Variants in ENPP4 observed in about 807,000 individuals in gnomAD.
ENPP4 encodes the protein bis(5'-adenosyl)-triphosphatase ENPP4.
A neutral mutation model predicts 33.4 loss-of-function variants in ENPP4; 18 were observed. The ratio of observed to expected loss-of-function variants is 0.54; its 90% CI spans 0.37 to 0.80. The LOEUF is 0.80. Ranked by LOEUF, ENPP4 falls within the 30% of genes least tolerant of loss-of-function variation. The pLI, the probability that ENPP4 is intolerant of heterozygous loss-of-function variation, is 0.00. For missense variants in ENPP4, 480 were observed against 541.7 expected (o/e 0.89, Z 1.13); for synonymous variants, 172 against 189.9 (o/e 0.91, Z 0.78).
intron 1 of ENPP4, among the ~76,000 whole-genome samples, chr6:46,132,293 A>C (rs9472693): frequency 1.3e-5 from 2 of 150,594 alleles, no homozygotes; most frequent in African/African-American, 2.4e-5. Context: ...TTTAGGTCTA[A>C]CGTTTAAGTC....
Position 46,145,718 on chromosome 6 carries a change from T to G in ENPP4, c.*2078T>G, listed in dbSNP as rs1764131340. ...ATATAGGATGGAACAGGAAGGTATG[T>G]CCTGTCAGTATCTTAACCCTTTCAA... On this transcript the variant is annotated 3_prime_UTR_variant, in exon 4 of 4. Transcript: ENST00000321037. 6.6e-6 allele frequency: 1 copy of G among 151,866 alleles called. No individual in the cohort carries two copies. Among genetic ancestry groups the G allele is most frequent in the Admixed American group, 6.6e-5 (1 of 15,190 alleles). The allele number at this position is 151,866 out of a possible 1,614,324, so 9.4% of individuals were successfully genotyped here.
intron 3 of ENPP4, 30 bp downstream of exon 3, chr6:46,141,252 T>C: frequency 1.3e-6 from 2 of 1,538,274 alleles, no homozygotes; most frequent in Non-Finnish European, 1.8e-6. Context: ...ATTTCTGTTG[T>C]ATCCTAGGAA....
rs1448745007 is a variant in ENPP4, at chr6:46,140,019, ACCAT to A, written c.438_441del (p.Ile147LeufsTer5). 6 of 1,612,596 alleles carry A rather than the reference ACCAT, an allele frequency of 3.7e-6. No individual in the cohort carries two copies. The highest frequency in any genetic ancestry group is 5.1e-6 in the Non-Finnish European group (6 of 1,179,048). ...TGGTACTGATGTACCCATTCACGATACCATCTCTTCCTATTTTATGAATTACAAC... is the reference window on the plus strand; with the variant it reads ...TGGTACTGATGTACCCATTCACGATACTCTTCCTATTTTATGAATTACAAC... On this transcript the variant is annotated frameshift_variant, in exon 2 of 4. Transcript: ENST00000321037. LOFTEE classifies it high-confidence loss of function.
chr6:46,133,280 T>C (rs1031939535), intron 1 of ENPP4, among the ~76,000 whole-genome samples: 3 of 152,170 alleles, frequency 2.0e-5, no homozygotes, highest in South Asian at 4.1e-4. Context: ...AATCCTACGA[T>C]TTTTAAGACT....
At chr6:46,131,696 T>C (rs1286635017) in intron 1 of ENPP4, among the ~76,000 whole-genome samples, 2 of 151,352 alleles carry the variant, frequency 1.3e-5, no homozygotes, top group East Asian at 3.9e-4. Flanking sequence ...CTGGGTCAAA[T>C]GGTATTTCTA....
chr6:46,132,772 C>A (rs1479790195), intron 1 of ENPP4, among the ~76,000 whole-genome samples: 2 of 152,116 alleles, frequency 1.3e-5, no homozygotes, highest in Non-Finnish European at 2.9e-5. Context: ...GATATTGATT[C>A]TTCCTACCCA....
At chr6:46,132,158 A>T (rs1176618497) in intron 1 of ENPP4, among the ~76,000 whole-genome samples, 1 of 152,040 alleles carries the variant, frequency 6.6e-6, no homozygotes, top group Non-Finnish European at 1.5e-5. Flanking sequence ...CTTTAGTTTA[A>T]TTAGATCCCA....
chr6:46,140,432 G>C (rs777462064), intron 2 of ENPP4, 23 bp downstream of exon 2: 5 of 1,344,118 alleles, frequency 3.7e-6, no homozygotes, highest in Non-Finnish European at 5.1e-6. Flanking sequence ...TCAACTGAGG[G>C]ATACTATTAT....
rs1764044638 is a variant in ENPP4, at chr6:46,140,559, C to G, written c.826+150C>G. The G allele has an allele frequency of 8.9e-6, 5 of 564,272 alleles. No individual in the cohort carries two copies. The South Asian group carries it at 1.3e-4, about 15-fold the overall frequency. 35.0% of individuals were successfully genotyped at this position (564,272 alleles called of 1,614,324 possible). A position where few individuals can be genotyped will look rare whatever the true frequency, so the allele number is the denominator to read the frequency against. On this transcript the variant is annotated intron_variant, in intron 2 of 3. Transcript: ENST00000321037. ...TTATATGTTTTTTTCCTCTTGTTTA[C>G]AAGTTGAGAGCAGTTGGCCTATGGT...
chr6:46,139,025 T>C (rs1764016580), intron 1 of ENPP4, among the ~76,000 whole-genome samples: 1 of 151,788 alleles, frequency 6.6e-6, no homozygotes, highest in Non-Finnish European at 1.5e-5. Context: ...CTCAATAGCA[T>C]TTATTTCTTA....
chr6:46,141,222 TGTAA>T lies in ENPP4; in HGVS notation c.997+4_997+7del. Reference sequence around the variant, plus strand: ...TGTGCTAAATGAATCATCACAAAAATGTAAGTATTTAGTTGAGATATTTCTGTTG... The same window carrying T: ...TGTGCTAAATGAATCATCACAAAAATGTATTTAGTTGAGATATTTCTGTTG... On this transcript the variant is annotated splice_donor_variant and splice_donor_region_variant and intron_variant, in intron 3 of 3. Coordinates refer to ENST00000321037, the MANE Select transcript of ENPP4 (RefSeq NM_014936.5). LOFTEE classifies it high-confidence loss of function. The T allele has an allele frequency of 6.2e-7, 1 of 1,604,564 alleles. No homozygotes were observed. Among genetic ancestry groups the T allele is most frequent in the Non-Finnish European group, 8.5e-7 (1 of 1,173,144 alleles).
rs1384078341 is a variant in ENPP4, at chr6:46,145,343, AAGTTAACTGTATTAAGAACAGT to A, written c.*1705_*1726del. On this transcript the variant is annotated 3_prime_UTR_variant, in exon 4 of 4. Coordinates refer to ENST00000321037, the MANE Select transcript of ENPP4 (RefSeq NM_014936.5). ...ATAAATAATCCATGCTGTTGGTCAT[AAGTTAACTGTATTAAGAACAGT>A]AAAATAAATAAAAACCAATAGTACT... 6.0e-6 allele frequency: 1 copy of A among 167,276 alleles called. No homozygotes were observed. The highest frequency in any genetic ancestry group is 1.3e-5 in the Non-Finnish European group (1 of 78,562). The allele number at this position is 167,276 out of a possible 1,614,324, so 10.4% of individuals were successfully genotyped here.
intron 1 of ENPP4, among the ~76,000 whole-genome samples, chr6:46,132,656 A>G (rs1012968407): frequency 1.3e-5 from 2 of 152,112 alleles, no homozygotes; most frequent in Non-Finnish European, 1.5e-5. Flanking sequence ...TTGGTTCCAT[A>G]TGAACTTTAA....
In ENPP4 at chr6:46,144,318, T is replaced by C. The variant is rs542782593; in HGVS notation, c.*678T>C. On this transcript the variant is annotated 3_prime_UTR_variant, in exon 4 of 4. Transcript: ENST00000321037. ...AAGCTGTTAGTCTTAAAGATTATTGTTAAAAAATTCAGAAGAAAAGAGAGA... is the reference window on the plus strand; with the variant it reads ...AAGCTGTTAGTCTTAAAGATTATTGCTAAAAAATTCAGAAGAAAAGAGAGA... 3.3e-5 allele frequency: 5 copies of C among 151,866 alleles called. No individual in the cohort carries two copies. The highest frequency in any genetic ancestry group is 7.4e-5 in the Non-Finnish European group (5 of 67,844). The allele number at this position is 151,866 out of a possible 1,614,324, so 9.4% of individuals were successfully genotyped here.
intron 1 of ENPP4, among the ~76,000 whole-genome samples, chr6:46,134,548 A>G (rs1462756442): frequency 1.3e-5 from 2 of 152,164 alleles, no homozygotes; most frequent in African/African-American, 4.8e-5. Flanking sequence ...GGGAAGTGGT[A>G]TAAAACTTTC....
intron 1 of ENPP4, among the ~76,000 whole-genome samples, chr6:46,131,670 C>T (rs1169806766): frequency 6.6e-6 from 1 of 151,898 alleles, no homozygotes; most frequent in African/African-American, 2.4e-5. Flanking sequence ...TGGGTATATA[C>T]CCAGTAATGG....
chr6:46,134,400 G>C (rs1763947033), intron 1 of ENPP4, among the ~76,000 whole-genome samples: 1 of 152,108 alleles, frequency 6.6e-6, no homozygotes, highest in African/African-American at 2.4e-5. Context: ...CCAGCAGTGT[G>C]CTGAGGGATT....
intron 1 of ENPP4, among the ~76,000 whole-genome samples, chr6:46,137,281 A>G (rs1397667117): frequency 1.3e-5 from 2 of 151,874 alleles, no homozygotes; most frequent in Non-Finnish European, 2.9e-5. Context: ...GTTTATGAGT[A>G]TGTTTTCCCT....
At chr6:46,130,667 C>G (rs1763881652) in intron 1 of ENPP4, among the ~76,000 whole-genome samples, 1 of 152,170 alleles carries the variant, frequency 6.6e-6, no homozygotes, top group African/African-American at 2.4e-5. Context: ...ACAAGCCAAC[C>G]AAACAATAAA....
Sources: gnomAD v4.1 joint callset for allele counts (sites outside exome capture counted in the v4.1 genomes callset) on GRCh38, gnomAD v4.1.1 for gene constraint, MANE v1.5 for transcripts, NCBI Gene and HGNC (gene_info 2026-07-23, HGNC 2026-07-21) for gene names.